ARHGAP10: variants seen among roughly 807,000 people sequenced by gnomAD.
ARHGAP10 encodes rho GTPase-activating protein 10.
A neutral mutation model predicts 108.6 loss-of-function variants in ARHGAP10; 87 were observed. The ratio of observed to expected loss-of-function variants is 0.80; its 90% CI spans 0.67 to 0.96. The LOEUF (loss-of-function observed/expected upper bound fraction) is 0.96. Ranked by LOEUF, ARHGAP10 falls within the 40% of genes least tolerant of loss-of-function variation. The probability of loss-of-function intolerance (pLI) is 0.00; values close to 1 mark genes in which losing one functional copy is unlikely to be tolerated. For synonymous variants in ARHGAP10, 347 were observed against 341.1 expected, an observed-to-expected ratio of 1.02 and a Z score of -0.19; for missense variants, 939 against 954.5, an observed-to-expected ratio of 0.98 and a Z score of 0.21.
chr4:147,944,503 A>C (rs1033298996), intron 14 of ARHGAP10, among the ~76,000 whole-genome samples: 2 of 152,218 alleles, frequency 1.3e-5, no homozygotes, highest in Non-Finnish European at 1.5e-5. Flanking sequence ...GTTTCAGCCC[A>C]ACATTGAGTT....
chr4:147,803,905 G>T (rs1335022909), intron 1 of ARHGAP10, among the ~76,000 whole-genome samples: 1 of 151,982 alleles, frequency 6.6e-6, no homozygotes, highest in African/African-American at 2.4e-5. Flanking sequence ...CATGAGGTGT[G>T]CAGGTTTCCC....
At chr4:148,052,024 C>T (rs911207821) in intron 20 of ARHGAP10, among the ~76,000 whole-genome samples, 37 of 152,098 alleles carry the variant, frequency 2.4e-4, no homozygotes, top group African/African-American at 8.0e-4. Flanking sequence ...CTGGGAGATA[C>T]CAGAGTACCC....
At chr4:147,768,433 T>G (rs959575736) in intron 1 of ARHGAP10, among the ~76,000 whole-genome samples, 1 of 152,122 alleles carries the variant, frequency 6.6e-6, no homozygotes. Context: ...GCTGTTAACA[T>G]CAGCTTAAAG....
chr4:148,058,936 G>C (rs760776927), intron 20 of ARHGAP10, among the ~76,000 whole-genome samples: 1 of 152,154 alleles, frequency 6.6e-6, no homozygotes, highest in Non-Finnish European at 1.5e-5. Context: ...CCTGCTTACT[G>C]TCTTCCCAGC....
Position 148,067,353 on chromosome 4 carries a change from G to T in ARHGAP10, c.2272+2846G>T, listed in dbSNP as rs150482099. 3.7e-3 allele frequency among the ~76,000 whole-genome samples: 559 copies of T among 152,332 alleles called. 5 individuals carry two copies. Among genetic ancestry groups the T allele is most frequent in the Admixed American group, 0.018 (277 of 15,300 alleles). On this transcript the variant is annotated intron_variant, in intron 22 of 22. Coordinates refer to ENST00000336498, the MANE Select transcript of ARHGAP10 (RefSeq NM_024605.4). The stretch of plus-strand genomic sequence containing the variant: ...TGATCTCTTAGCTAGTTAAAAGCAG[G>T]TGCTTGCCCAGAACACATCTAGTGA...
At chr4:148,009,084 G>T (rs918274161) in intron 18 of ARHGAP10, among the ~76,000 whole-genome samples, 1 of 151,144 alleles carries the variant, frequency 6.6e-6, no homozygotes, top group African/African-American at 2.4e-5. Flanking sequence ...GAAGTTCTTT[G>T]GGGGAAAAAA....
At chr4:148,020,347 G>A (rs928100547) in intron 18 of ARHGAP10, among the ~76,000 whole-genome samples, 1 of 152,016 alleles carries the variant, frequency 6.6e-6, no homozygotes, top group Non-Finnish European at 1.5e-5. Flanking sequence ...TTGCAGGTTT[G>A]TTACATGAAC....
intron 1 of ARHGAP10, among the ~76,000 whole-genome samples, chr4:147,799,571 A>AT (rs533056271): frequency 1.3e-4 from 20 of 151,752 alleles, no homozygotes; most frequent in Non-Finnish European, 1.2e-4. Flanking sequence ...AAGTTCAGTG[A>AT]TTTTTTTTAT....
intron 3 of ARHGAP10, among the ~76,000 whole-genome samples, chr4:147,837,457 G>A (rs1733215220): frequency 6.6e-6 from 1 of 152,142 alleles, no homozygotes; most frequent in African/African-American, 2.4e-5. Context: ...TTTAAGAGAT[G>A]TGGGGAACCA....
intron 1 of ARHGAP10, among the ~76,000 whole-genome samples, chr4:147,804,732 A>G (rs1202818514): frequency 5.3e-5 from 8 of 152,174 alleles, no homozygotes; most frequent in Non-Finnish European, 1.0e-4. Context: ...TTTTCTAATT[A>G]TGAGTGGTGC....
At chr4:147,876,287 G>T (rs1464694551) in intron 8 of ARHGAP10, among the ~76,000 whole-genome samples, 18 of 152,086 alleles carry the variant, frequency 1.2e-4, no homozygotes, top group Admixed American at 1.1e-3. Context: ...GAATTTGAAA[G>T]AAATAAATTA....
chr4:147,927,768 G>A (rs892806042), intron 13 of ARHGAP10, among the ~76,000 whole-genome samples: 2 of 152,172 alleles, frequency 1.3e-5, no homozygotes, highest in East Asian at 1.9e-4. Flanking sequence ...AAGGGAAGGC[G>A]CAGAGGCTGT....
At chr4:147,760,788 T>C (rs962775910) in intron 1 of ARHGAP10, among the ~76,000 whole-genome samples, 2 of 152,154 alleles carry the variant, frequency 1.3e-5, no homozygotes, top group East Asian at 1.9e-4. Context: ...GGGGGCTATG[T>C]TAGTCTCCTC....
intron 3 of ARHGAP10, among the ~76,000 whole-genome samples, chr4:147,831,039 G>A (rs1227746099): frequency 2.6e-5 from 4 of 152,186 alleles, no homozygotes; most frequent in Non-Finnish European, 4.4e-5. Context: ...CACATTCTCA[G>A]GCCCACCCCA....
intron 15 of ARHGAP10, among the ~76,000 whole-genome samples, chr4:147,950,467 G>C (rs939676201): frequency 3.3e-5 from 5 of 152,208 alleles, no homozygotes; most frequent in African/African-American, 1.2e-4. Flanking sequence ...GCACCATGGC[G>C]TGAAGCTGAA....
At chr4:147,860,919 C>T (rs1015420565) in intron 5 of ARHGAP10, 1 of 152,222 alleles carries the variant, frequency 6.6e-6, no homozygotes, top group African/African-American at 2.4e-5. Flanking sequence ...TTTTGTGACC[C>T]TAGTTACAAC....
At chr4:148,014,532 A>C (rs1239402331) in intron 18 of ARHGAP10, among the ~76,000 whole-genome samples, 1 of 152,142 alleles carries the variant, frequency 6.6e-6, no homozygotes, top group African/African-American at 2.4e-5. Context: ...CATAGTGAAA[A>C]TTTCTTTAAT....
chr4:147,862,407 C>G (rs951158507), intron 5 of ARHGAP10: 2 of 152,378 alleles, frequency 1.3e-5, no homozygotes, highest in Non-Finnish European at 2.9e-5. Context: ...TGTGGCTGCA[C>G]GGCTGCAGCT....
chr4:147,859,001 C>T (rs936330459), intron 5 of ARHGAP10, among the ~76,000 whole-genome samples: 3 of 152,132 alleles, frequency 2.0e-5, no homozygotes, highest in Admixed American at 2.0e-4. Context: ...CGCTCTTCTC[C>T]AAACCCTCCT....
Sources: allele counts gnomAD v4.1 joint callset (sites outside exome capture counted in the v4.1 genomes callset), GRCh38; gene constraint gnomAD v4.1.1; transcripts MANE v1.5; gene names NCBI Gene and HGNC (gene_info 2026-07-23, HGNC 2026-07-21).